The following PLXDC2 variants were observed in gnomAD, a reference collection of about 807,000 sequenced individuals.
PLXDC2 encodes plexin domain containing 2.
In PLXDC2, 40 loss-of-function variants were observed where a neutral mutation model predicts 68.9. The ratio of observed to expected loss-of-function variants is 0.58; its 90% CI spans 0.45 to 0.76. The LOEUF is 0.76. PLXDC2 is among the 30% of genes least tolerant of loss of function. The pLI, the probability that PLXDC2 is intolerant of heterozygous loss-of-function variation, is 0.00. For missense variants in PLXDC2, 644 were observed against 661.9 expected, an observed-to-expected ratio of 0.97 and a Z score of 0.30; for synonymous variants, 243 against 234.2, an observed-to-expected ratio of 1.04 and a Z score of -0.34.
Position 20,283,921 on chromosome 10 carries a change from A to T in PLXDC2, c.*4102A>T, listed in dbSNP as rs899025429. On this transcript the variant is annotated 3_prime_UTR_variant, in exon 14 of 14. Transcript: ENST00000377252. ...TATTTTAAATTATGCTAATATCCAG[A>T]TACATATTCTAAGGTTAGTATCATT... 1 of 152,164 alleles carries T rather than the reference A, an allele frequency of 6.6e-6. No homozygotes were observed. Among genetic ancestry groups the T allele is most frequent in the African/African-American group, 2.4e-5 (1 of 41,440 alleles). The allele number at this position is 152,164 out of a possible 1,614,324, so 9.4% of individuals were successfully genotyped here.
intron 2 of PLXDC2, among the ~76,000 whole-genome samples, chr10:20,027,989 G>A (rs932702866): frequency 6.6e-6 from 1 of 152,170 alleles, no homozygotes; most frequent in Admixed American, 6.5e-5. Context: ...TACATGATGT[G>A]CAAAGTGGTA....
chr10:20,184,565 T>C (rs1327426565), intron 9 of PLXDC2, among the ~76,000 whole-genome samples: 6 of 151,828 alleles, frequency 4.0e-5, no homozygotes, highest in African/African-American at 1.4e-4. Context: ...CCTTCTTACA[T>C]AGGGGCAGCT....
At chr10:20,154,580 G>A (rs1042467110) in intron 6 of PLXDC2, among the ~76,000 whole-genome samples, 1 of 145,482 alleles carries the variant, frequency 6.9e-6, no homozygotes, top group African/African-American at 2.6e-5. Flanking sequence ...AAAAAAAAAT[G>A]TATTTAAAAA....
At chr10:20,035,462 C>G (rs947288637) in intron 2 of PLXDC2, among the ~76,000 whole-genome samples, 12 of 151,818 alleles carry the variant, frequency 7.9e-5, no homozygotes, top group East Asian at 1.9e-4. Context: ...TTTGGGAGGT[C>G]GAGGAGGGTG....
chr10:20,193,350 A>G (rs528367873), intron 9 of PLXDC2, among the ~76,000 whole-genome samples: 27 of 152,230 alleles, frequency 1.8e-4, no homozygotes, highest in African/African-American at 5.5e-4. Context: ...TCTAGTTTGA[A>G]AAAAATATTG....
At chr10:19,826,710 T>G (rs1836577907) in intron 1 of PLXDC2, among the ~76,000 whole-genome samples, 1 of 152,240 alleles carries the variant, frequency 6.6e-6, no homozygotes, top group African/African-American at 2.4e-5. Flanking sequence ...GATTCATAAC[T>G]TGGCTTTAAA....
At chr10:19,871,924 A>G (rs1837546448) in intron 1 of PLXDC2, among the ~76,000 whole-genome samples, 1 of 151,630 alleles carries the variant, frequency 6.6e-6, no homozygotes, top group Admixed American at 6.6e-5. Context: ...ATTGTTTACC[A>G]TATGCCCATT....
chr10:20,122,414 C>A (rs191364183), intron 4 of PLXDC2, among the ~76,000 whole-genome samples: 1 of 152,190 alleles, frequency 6.6e-6, no homozygotes, highest in African/African-American at 2.4e-5. Context: ...GGCGATTGGG[C>A]AGCATCAGTC....
At chr10:20,118,004 C>T (rs1833644357) in intron 4 of PLXDC2, among the ~76,000 whole-genome samples, 5 of 151,938 alleles carry the variant, frequency 3.3e-5, no homozygotes, top group African/African-American at 9.7e-5. Context: ...AATCAATGTA[C>T]TTTAACATGC....
At chr10:20,140,924 G>A (rs1341423530) in intron 4 of PLXDC2, among the ~76,000 whole-genome samples, 1 of 151,648 alleles carries the variant, frequency 6.6e-6, no homozygotes, top group African/African-American at 2.4e-5. Flanking sequence ...AGTGGTAGTA[G>A]TAATAGTAGT....
rs566997190 is a variant in PLXDC2, at chr10:19,848,071, G to C, written c.112+30880G>C. ...GCGGTGGCTCATGCCTGTAATCCCAGTATTTTAGGAGGCTGAGGCAGGAGG... is the reference window on the plus strand; with the variant it reads ...GCGGTGGCTCATGCCTGTAATCCCACTATTTTAGGAGGCTGAGGCAGGAGG... On this transcript the variant is annotated intron_variant, in intron 1 of 13. Coordinates refer to ENST00000377252, the MANE Select transcript of PLXDC2 (RefSeq NM_032812.9). 3.9e-5 allele frequency among the ~76,000 whole-genome samples: 6 copies of C among 152,204 alleles called. No individual in the cohort carries two copies. In the South Asian group the frequency reaches 1.2e-3, roughly 32 times the overall value.
At chr10:20,217,307 T>C (rs1424766031) in intron 10 of PLXDC2, 119 bp from the exon 11 acceptor site, 1 of 864,096 alleles carries the variant, frequency 1.2e-6, no homozygotes, top group East Asian at 2.8e-5. Flanking sequence ...ACAAAAGTAA[T>C]TTATTCCTTG....
In PLXDC2 at chr10:20,093,953, A is replaced by G. The variant is rs951034413; in HGVS notation, c.541+25714A>G. Reference sequence around the variant, plus strand: ...GCTTCCCAGTGTTAGGATTACAGGCATGAGCCACCATGCCTGGCCAACTAT... The same window carrying G: ...GCTTCCCAGTGTTAGGATTACAGGCGTGAGCCACCATGCCTGGCCAACTAT... On this transcript the variant is annotated intron_variant, in intron 4 of 13. Transcript: ENST00000377252. 9.9e-5 allele frequency among the ~76,000 whole-genome samples: 15 copies of G among 152,198 alleles called. No homozygotes were observed. In the East Asian group the frequency reaches 2.7e-3, roughly 27 times the overall value.
chr10:20,186,492 A>G (rs1490063188), intron 9 of PLXDC2, among the ~76,000 whole-genome samples: 1 of 151,764 alleles, frequency 6.6e-6, no homozygotes, highest in Non-Finnish European at 1.5e-5. Context: ...GGGGTTTGAT[A>G]TGTGGATTAT....
rs575306455 is a variant in PLXDC2 at position 20,199,164 on chromosome 10, C to T, written c.1062-12505C>T. Among the ~76,000 whole-genome samples, 8 of 151,994 alleles carry T rather than the reference C, an allele frequency of 5.3e-5. No individual in the cohort carries two copies. In the East Asian group the frequency reaches 9.6e-4, roughly 18 times the overall value. ...AGAAATCTATTAATGCAATTAGTAGCACTGGTACTGAAGATCACTTGGTCA... is the reference window on the plus strand; with the variant it reads ...AGAAATCTATTAATGCAATTAGTAGTACTGGTACTGAAGATCACTTGGTCA... On this transcript the variant is annotated intron_variant, in intron 9 of 13. Coordinates refer to ENST00000377252, the MANE Select transcript of PLXDC2 (RefSeq NM_032812.9).
rs1417350585 is a variant in PLXDC2 at position 19,817,077 on chromosome 10, G to T, written c.-3G>T. The T allele has an allele frequency of 2.0e-6, 3 of 1,488,182 alleles. No homozygotes were observed. Among genetic ancestry groups the T allele is most frequent in the African/African-American group, 1.4e-5 (1 of 70,956 alleles). The allele number at this position is 1,488,182 out of a possible 1,614,324, so 92.2% of individuals were successfully genotyped here. The stretch of plus-strand genomic sequence containing the variant: ...GGTGGGGTAGGGAGGTGGCGGCGGC[G>T]GCATGGCGAGGTTCCCGAAGGCCGA... On this transcript the variant is annotated 5_prime_UTR_variant, in exon 1 of 14. Transcript: ENST00000377252.
chr10:20,273,645 T>C (rs1349050725), intron 13 of PLXDC2, among the ~76,000 whole-genome samples: 2 of 152,170 alleles, frequency 1.3e-5, no homozygotes, highest in Non-Finnish European at 2.9e-5. Context: ...TGACAAGAGA[T>C]ACTGATAAAA....
intron 1 of PLXDC2, among the ~76,000 whole-genome samples, chr10:19,979,203 A>G (rs1263045173): frequency 6.6e-6 from 1 of 152,144 alleles, no homozygotes; most frequent in Non-Finnish European, 1.5e-5. Context: ...CATAGAAAAA[A>G]GGAAGGGGGA....
chr10:20,122,084 G>A (rs1191879442), intron 4 of PLXDC2, among the ~76,000 whole-genome samples: 1 of 151,958 alleles, frequency 6.6e-6, no homozygotes, highest in African/African-American at 2.4e-5. Flanking sequence ...AGATGTAACT[G>A]TAATCCAGGA....
Sources: allele counts gnomAD v4.1 joint callset (sites outside exome capture counted in the v4.1 genomes callset), GRCh38; gene constraint gnomAD v4.1.1; transcripts MANE v1.5; gene names NCBI Gene and HGNC (gene_info 2026-07-23, HGNC 2026-07-21).